Variants in SMARCA4 observed in about 807,000 individuals in gnomAD.
SMARCA4 encodes the protein SWI/SNF-related matrix-associated actin-dependent regulator of chromatin subfamily A member 4.
SMARCA4 carries 31 observed loss-of-function variants against 193.9 expected under a neutral mutation model. The ratio of observed to expected loss-of-function variants is 0.16; its 90% confidence interval spans 0.12 to 0.22. The LOEUF (loss-of-function observed/expected upper bound fraction) is 0.22. Among genes scored for constraint, SMARCA4 ranks in the 10% least tolerant of loss-of-function variants. The pLI is 1.00. For missense variants in SMARCA4, 1,148 were observed against 2,296.0 expected (o/e 0.50, Z 10.22); for synonymous variants, 942 against 933.1 (o/e 1.01, Z -0.17).
intron 23 of SMARCA4, 108 bp downstream of exon 23, chr19:11,026,454 A>G (rs2090265654): frequency 1.2e-6 from 1 of 807,868 alleles, no homozygotes; most frequent in African/African-American, 1.7e-5. Flanking sequence ...TCAAAGGCAG[A>G]AAATTAGAAA....
rs1555795315 is a variant in SMARCA4, at chr19:11,058,782, C to T, written c.4534-6C>T. ...AGGTAAGACCTGCTCCTCCCGTCCA[C>T]TGCAGGAGCGCATTCGCAACCACAA... is the stretch of plus-strand genomic sequence containing the variant. On this transcript the variant is annotated splice_region_variant and splice_polypyrimidine_tract_variant and intron_variant, in intron 31 of 34. Transcript: ENST00000344626. The surrounding 1 kb of genome is among the most constrained non-coding windows in gnomAD (Gnocchi z 5.8). The T allele has an allele frequency of 6.2e-7, 1 of 1,613,614 alleles. No individual in the cohort carries two copies. The highest frequency in any genetic ancestry group is 8.5e-7 in the Non-Finnish European group (1 of 1,179,592).
rs1294011440 is a variant in SMARCA4, at chr19:11,021,060, A to G, written c.2617-665A>G. 3 of 164,962 alleles carry G rather than the reference A, an allele frequency of 1.8e-5. No homozygotes were observed. In the East Asian group the frequency reaches 5.0e-4, roughly 27 times the overall value. The allele number at this position is 164,962 out of a possible 1,614,324, so 10.2% of individuals were successfully genotyped here. On this transcript the variant is annotated intron_variant, in intron 18 of 34. Transcript: ENST00000344626. Reference sequence around the variant, plus strand: ...ACGTGCAGGCTCTTACCTCAGGTCCATGCTTCAGGTGCCTCCTTTGTGGCT... The same window carrying G: ...ACGTGCAGGCTCTTACCTCAGGTCCGTGCTTCAGGTGCCTCCTTTGTGGCT...
rs1364509964 is a variant in SMARCA4 at position 10,987,952 on chromosome 19, C to T, written c.1118+28C>T. 2 of 1,610,316 alleles carry T rather than the reference C, an allele frequency of 1.2e-6. No individual in the cohort carries two copies. The highest frequency in any genetic ancestry group is 1.7e-6 in the Non-Finnish European group (2 of 1,179,174). The stretch of plus-strand genomic sequence containing the variant: ...GAGGGCGGGGCCCAGTTGCCAAGGT[C>T]ACTGCCCTGTGTCCCCCATGTCCCC... On this transcript the variant is annotated intron_variant, in intron 6 of 34. Coordinates refer to ENST00000344626, the MANE Select transcript of SMARCA4 (RefSeq NM_003072.5). This position sits in a 1 kb window ranked among gnomAD's most constrained non-coding sequence, Gnocchi z 5.3.
At chr19:11,043,714 G>T (rs981897154) in intron 30 of SMARCA4, among the ~76,000 whole-genome samples, 1 of 151,540 alleles carries the variant, frequency 6.6e-6, no homozygotes, top group Admixed American at 6.6e-5. Context: ...ATAGTGGCTC[G>T]TGTAATCCCA....
In SMARCA4 at chr19:10,980,612, C is replaced by T. The variant is rs143039107; in HGVS notation, c.-31-3509C>T. On this transcript the variant is annotated intron_variant, in intron 1 of 34. Transcript: ENST00000344626. ...TCATGTCACTGCACTCCAGCCTGGG[C>T]GACAGAGTGAGACTCTGTCTCAAAA... is the stretch of plus-strand genomic sequence containing the variant. Among the ~76,000 whole-genome samples the T allele has an allele frequency of 3.8e-3, 532 of 140,416 alleles. 3 individuals are homozygous for T. The highest frequency in any genetic ancestry group is 6.4e-3 in the Non-Finnish European group (421 of 65,632). The allele number at this position is 140,416 out of a possible 152,430, so 92.1% of individuals were successfully genotyped here. A position where few individuals can be genotyped will look rare whatever the true frequency, so the allele number is the denominator to read the frequency against.
intron 1 of SMARCA4, among the ~76,000 whole-genome samples, chr19:10,964,323 T>G (rs1369284330): frequency 6.6e-6 from 1 of 151,978 alleles, no homozygotes; most frequent in African/African-American, 2.4e-5. Context: ...CTTTCTTTTT[T>G]TTTTGAGACG....
chr19:11,041,408 G>C lies in SMARCA4; in HGVS notation c.4272G>C (p.Pro1424=), dbSNP rs114882905. The change falls in exon 30 of 35, where the codon CCG becomes CCC. Residue 1424 remains proline, a synonymous_variant. Transcript: ENST00000344626. This position sits in a 1 kb window ranked among gnomAD's most constrained non-coding sequence, Gnocchi z 5.6. ...ACAGCGACGCCGGCTCCTCCACCCCGACCACCAGCACCCGCAGCCGCGACA... is the reference window on the plus strand; with the variant it reads ...ACAGCGACGCCGGCTCCTCCACCCCCACCACCAGCACCCGCAGCCGCGACA... ...KRDSDAGSST[P]TTSTRSRDKD... The C allele has an allele frequency of 1.2e-6, 2 of 1,612,222 alleles. No individual in the cohort carries two copies. Among genetic ancestry groups the C allele is most frequent in the South Asian group, 2.2e-5 (2 of 91,076 alleles).
rs2145730000 is a variant in SMARCA4, at chr19:10,984,436, C to G, written c.222+63C>G. The stretch of plus-strand genomic sequence containing the variant: ...TGCCCACTAGGGCTGCAGGCAGCCT[C>G]TGGACCGAGGGCCTTACTTGGAGGA... On this transcript the variant is annotated intron_variant, in intron 2 of 34. Transcript: ENST00000344626. This position sits in a 1 kb window ranked among gnomAD's most constrained non-coding sequence, Gnocchi z 4.3. 1 of 1,549,680 alleles carries G rather than the reference C, an allele frequency of 6.5e-7. No individual in the cohort carries two copies. The highest frequency in any genetic ancestry group is 8.7e-7 in the Non-Finnish European group (1 of 1,146,996).
At chr19:11,002,041 G>A (rs550592713) in intron 11 of SMARCA4, among the ~76,000 whole-genome samples, 4 of 152,250 alleles carry the variant, frequency 2.6e-5, no homozygotes, top group Non-Finnish European at 2.9e-5. Flanking sequence ...TTATATAACC[G>A]TTAGTGTAAA....
At position 11,019,616 on chromosome 19, in the gene SMARCA4, T is replaced by C. The variant is rs2089680226; in HGVS notation, c.2531T>C (p.Phe844Ser). The C allele has an allele frequency of 6.2e-7, 1 of 1,612,610 alleles. No homozygotes were observed. The highest frequency in any genetic ancestry group is 1.1e-5 in the South Asian group (1 of 90,754). The change falls in exon 18 of 35, where the codon TTT (phenylalanine) becomes TCT (serine). Residue 844 changes from phenylalanine to serine, a missense_variant. Around this residue, in one of 17 missense-constraint regions of SMARCA4, gnomAD observed 54 missense variants for 123.3 expected, o/e 0.44. Coordinates refer to ENST00000344626, the MANE Select transcript of SMARCA4 (RefSeq NM_003072.5). The surrounding 1 kb of genome is among the most constrained non-coding windows in gnomAD (Gnocchi z 6.1). The part of the protein sequence containing the change: ...YKGSPAARRA[F>S]VPQLRSGKFN... ...GGATCCCCAGCAGCAAGACGGGCCT[T>C]TGTCCCCCAGCTCCGGAGTGGGAAG...
intron 30 of SMARCA4, among the ~76,000 whole-genome samples, chr19:11,049,845 T>C (rs2146960632): frequency 6.6e-6 from 1 of 152,340 alleles, no homozygotes; most frequent in South Asian, 2.1e-4. Context: ...CTCACATCTG[T>C]AATCCCAGCA....
At chr19:11,014,472 G>C (rs1218864513) in intron 16 of SMARCA4, among the ~76,000 whole-genome samples, 1 of 152,216 alleles carries the variant, frequency 6.6e-6, no homozygotes, top group Non-Finnish European at 1.5e-5. Context: ...GCTGCAGGTA[G>C]CTGCACCTCC....
chr19:11,055,381 G>C (rs934017639), intron 30 of SMARCA4, among the ~76,000 whole-genome samples: 1 of 152,118 alleles, frequency 6.6e-6, no homozygotes, highest in African/African-American at 2.4e-5. Flanking sequence ...GTAGAGACGG[G>C]GTATCACTAT....
At chr19:11,010,294 C>T (rs2146228075) in intron 14 of SMARCA4, 87 bp from the exon 15 acceptor site, 1 of 1,441,794 alleles carries the variant, frequency 6.9e-7, no homozygotes, top group South Asian at 1.1e-5. Context: ...GCAGAAAGGG[C>T]CACTCCGCAG....
At chr19:10,991,792 G>A (rs548558970) in intron 8 of SMARCA4, among the ~76,000 whole-genome samples, 4 of 152,130 alleles carry the variant, frequency 2.6e-5, no homozygotes, top group East Asian at 1.9e-4. Context: ...AGTGAGTGGC[G>A]GGGAGAGCTG....
Position 10,968,104 on chromosome 19 carries a change from G to C in SMARCA4, c.-32+6930G>C, listed in dbSNP as rs544728693. On this transcript the variant is annotated intron_variant, in intron 1 of 34. Transcript: ENST00000344626. ...CTGACCTCATGATCCGCCCGCCTCAGCCTCCCAAAGTGCTGGGATTACAGG... is the reference window on the plus strand; with the variant it reads ...CTGACCTCATGATCCGCCCGCCTCACCCTCCCAAAGTGCTGGGATTACAGG... Among the ~76,000 whole-genome samples the C allele has an allele frequency of 3.9e-4, 59 of 152,158 alleles. 1 individual carries two copies. The South Asian group carries it at 0.012, about 31-fold the overall frequency.
intron 34 of SMARCA4, among the ~76,000 whole-genome samples, chr19:11,061,188 T>TAAAAAAAAAAA (rs140377414): frequency 2.2e-4 from 15 of 68,830 alleles, no homozygotes; most frequent in African/African-American, 1.1e-3. Context: ...ACCCTGTCTT[T>TAAAAAAAAAAA]AAAAAAAAAA....
chr19:11,000,609 G>A (rs1016123098), intron 11 of SMARCA4, among the ~76,000 whole-genome samples: 16 of 152,002 alleles, frequency 1.1e-4, no homozygotes, highest in African/African-American at 3.6e-4. Context: ...GGCCAGGTGC[G>A]GTGGCTCACA....
chr19:10,990,691 G>C (rs1471029222), intron 7 of SMARCA4, among the ~76,000 whole-genome samples: 3 of 152,236 alleles, frequency 2.0e-5, no homozygotes, highest in Non-Finnish European at 4.4e-5. Context: ...GGGATTACAG[G>C]CATGAGCCAC....
Sources: gnomAD v4.1 joint callset for allele counts (sites outside exome capture counted in the v4.1 genomes callset) on GRCh38, gnomAD v4.1.1 for gene constraint, gnomAD v4.1.1 regional missense constraint, Gnocchi (gnomAD v3.1) non-coding constraint, MANE v1.5 for transcripts, NCBI Gene and HGNC (gene_info 2026-07-23, HGNC 2026-07-21) for gene names.